Variants in ZFAT observed in about 807,000 individuals in gnomAD.
ZFAT encodes zinc finger protein ZFAT.
In ZFAT, 64 loss-of-function variants were observed where a neutral mutation model predicts 117.7. The ratio of observed to expected loss-of-function variants is 0.54; its 90% CI spans 0.44 to 0.67. The LOEUF (loss-of-function observed/expected upper bound fraction) is 0.67, where lower values mean the gene tolerates loss of function less well. ZFAT is among the 30% of genes least tolerant of loss of function. The probability of loss-of-function intolerance (pLI) is 0.00; values close to 1 mark genes in which losing one functional copy is unlikely to be tolerated. For missense variants in ZFAT, 1,433 were observed against 1,584.5 expected (o/e 0.90, Z 1.62); for synonymous variants, 679 against 615.0 (o/e 1.10, Z -1.54).
chr8:134,797,866 T>C, the ZFAT span: 31 of 151,900 alleles, frequency 2.0e-4, no homozygotes, highest in Non-Finnish European at 2.7e-4. Context: ...TAACCTGGAA[T>C]TTAAAACAAG....
intron 1 of ZFAT, among the ~76,000 whole-genome samples, chr8:134,691,321 T>C (rs555898918): frequency 3.6e-5 from 5 of 138,470 alleles, no homozygotes; most frequent in Admixed American, 2.9e-4. Flanking sequence ...CCTGGCATCC[T>C]GGCCCTTCAG....
chr8:134,725,339 C>G, the ZFAT span, among the ~76,000 whole-genome samples: 275 of 152,274 alleles, frequency 1.8e-3, 1 homozygote, highest in African/African-American at 6.2e-3. Flanking sequence ...GATGAATTGG[C>G]TCATGGTTCC....
chr8:134,491,041 C>T (rs752316436), intron 15 of ZFAT, among the ~76,000 whole-genome samples: 2 of 152,204 alleles, frequency 1.3e-5, no homozygotes, highest in Non-Finnish European at 2.9e-5. Flanking sequence ...TCCCTCACAA[C>T]CAAGAATTGT....
intron 7 of ZFAT, among the ~76,000 whole-genome samples, chr8:134,592,822 C>A (rs963234284): frequency 6.6e-6 from 1 of 152,154 alleles, no homozygotes; most frequent in African/African-American, 2.4e-5. Flanking sequence ...GTGTACTTTA[C>A]ATTAAAAACC....
At chr8:134,767,025 A>T in the ZFAT span, 1 of 152,250 alleles carries the variant, frequency 6.6e-6, no homozygotes, top group African/African-American at 2.4e-5. Context: ...CTCATCCCCA[A>T]ACAATACCAC....
chr8:134,530,907 C>T (rs1362401501), intron 12 of ZFAT, among the ~76,000 whole-genome samples: 1 of 152,112 alleles, frequency 6.6e-6, no homozygotes, highest in Admixed American at 6.5e-5. Flanking sequence ...TTTATCCAAA[C>T]ACCACGCCAT....
the ZFAT span, among the ~76,000 whole-genome samples, chr8:134,719,905 A>G: frequency 2.0e-5 from 3 of 152,230 alleles, no homozygotes; most frequent in Admixed American, 2.0e-4. Flanking sequence ...GTGGCCCCCA[A>G]TGAACTATGC....
At chr8:134,512,324 C>T in intron 14 of ZFAT, 151 bp downstream of exon 14, 1 of 1,163,924 alleles carries the variant, frequency 8.6e-7, no homozygotes, top group Non-Finnish European at 1.2e-6. Flanking sequence ...TCTCTGGGGG[C>T]TGGCAATGGG....
intron 13 of ZFAT, among the ~76,000 whole-genome samples, chr8:134,514,802 T>A (rs112227390): frequency 6.6e-6 from 1 of 152,232 alleles, no homozygotes; most frequent in Non-Finnish European, 1.5e-5. Flanking sequence ...TTATCAATCA[T>A]GGCAAGTCTT....
In ZFAT at chr8:134,565,324, C is replaced by T. The variant is rs771846506; in HGVS notation, c.2976+9G>A. On this transcript the variant is annotated intron_variant, in intron 11 of 15. Coordinates refer to ENST00000377838, the MANE Select transcript of ZFAT (RefSeq NM_020863.4). ...TGAACATCTGCCTTCTTCTCCAGAG[C>T]CCTCTTACCTTGAAGGAGACATGCT... 21 of 1,612,822 alleles carry T rather than the reference C, an allele frequency of 1.3e-5. No homozygotes were observed. Among genetic ancestry groups the T allele is most frequent in the Non-Finnish European group, 1.8e-5 (21 of 1,179,636 alleles).
Position 134,609,079 on chromosome 8 carries a change from G to A in ZFAT, c.635-200C>T, listed in dbSNP as rs533002938. Among the ~76,000 whole-genome samples the A allele has an allele frequency of 2.3e-3, 349 of 152,024 alleles. 1 individual carries two copies. The highest frequency in any genetic ancestry group is 8.0e-3 in the African/African-American group (331 of 41,450). On this transcript the variant is annotated intron_variant, in intron 4 of 15. Coordinates refer to ENST00000377838, the MANE Select transcript of ZFAT (RefSeq NM_020863.4). ...TGTGCATGTGTTTGAGAAAGGACAA[G>A]TTTTTCAATAATCTGTCTAAATGTC...
chr8:134,779,554 T>G, the ZFAT span, among the ~76,000 whole-genome samples: 27 of 152,212 alleles, frequency 1.8e-4, no homozygotes, highest in African/African-American at 6.3e-4. Context: ...CTCATGCTTG[T>G]GAGTGTCTTA....
chr8:134,599,849 C>G (rs774646982), intron 7 of ZFAT: 1 of 451,628 alleles, frequency 2.2e-6, no homozygotes, highest in South Asian at 1.6e-5. Flanking sequence ...GTTACAAGAT[C>G]CTCCACCAAA....
chr8:134,565,528 G>A, intron 10 of ZFAT, 107 bp from the exon 11 acceptor site: 1 of 1,047,554 alleles, frequency 9.5e-7, no homozygotes, highest in African/African-American at 1.6e-5. Context: ...CTTGCCATGT[G>A]AGGATCAGAA....
chr8:134,802,728 A>G, the ZFAT span, among the ~76,000 whole-genome samples: 2 of 152,212 alleles, frequency 1.3e-5, no homozygotes, highest in Non-Finnish European at 2.9e-5. Context: ...ACAAATCTTA[A>G]ATAATAAGTA....
Position 134,478,855 on chromosome 8 carries a change from C to A in ZFAT, c.3493-134G>T. ...GTCCATTCTCCACGGATCCTCTCTA[C>A]CAGGCTGTGCTTGCTCTCATGCCCA... On this transcript the variant is annotated intron_variant, in intron 15 of 15. Coordinates refer to ENST00000377838, the MANE Select transcript of ZFAT (RefSeq NM_020863.4). This position sits in a 1 kb window ranked among gnomAD's most constrained non-coding sequence, Gnocchi z 5.2. The A allele has an allele frequency of 7.5e-7, 1 of 1,338,428 alleles. No individual in the cohort carries two copies. The highest frequency in any genetic ancestry group is 1.0e-6 in the Non-Finnish European group (1 of 994,542). The allele number at this position is 1,338,428 out of a possible 1,614,324, so 82.9% of individuals were successfully genotyped here. A position where few individuals can be genotyped will look rare whatever the true frequency, so the allele number is the denominator to read the frequency against.
At chr8:134,637,406 G>A (rs1830282330) in intron 3 of ZFAT, 55 bp downstream of exon 3, 1 of 1,561,670 alleles carries the variant, frequency 6.4e-7, no homozygotes. Context: ...CCTGATATTA[G>A]CAGATACACC....
At chr8:134,732,190 G>A in the ZFAT span, among the ~76,000 whole-genome samples, 5 of 152,256 alleles carry the variant, frequency 3.3e-5, no homozygotes, top group Non-Finnish European at 5.9e-5. Flanking sequence ...GACAGCCAGG[G>A]CTGCTAAATC....
chr8:134,527,767 G>C (rs564556337), intron 12 of ZFAT, among the ~76,000 whole-genome samples: 1 of 152,288 alleles, frequency 6.6e-6, no homozygotes, highest in Admixed American at 6.5e-5. Context: ...AGGAAACAAA[G>C]TGCATTTTAT....
Sources: gnomAD v4.1 joint callset for allele counts (sites outside exome capture counted in the v4.1 genomes callset) on GRCh38, gnomAD v4.1.1 for gene constraint, Gnocchi (gnomAD v3.1) non-coding constraint, MANE v1.5 for transcripts, NCBI Gene and HGNC (gene_info 2026-07-23, HGNC 2026-07-21) for gene names.